SGSH: variants seen among roughly 807,000 people sequenced by gnomAD.
The protein encoded by SGSH is heparan sulfate sulfatase.
A neutral mutation model predicts 51.0 loss-of-function variants in SGSH; 48 were observed. That is an observed-to-expected ratio of 0.94 (90% CI 0.75 to 1.20). SGSH has a LOEUF of 1.20. Among genes scored for constraint, SGSH ranks in the 50% most tolerant of loss-of-function variants. SGSH has a pLI of 0.00. For missense variants in SGSH, 662 were observed against 717.8 expected (o/e 0.92, Z 0.89); for synonymous variants, 321 against 313.4 (o/e 1.02, Z -0.26).
rs1347877363 is a variant in SGSH at position 80,213,823 on chromosome 17, G to T, written c.726C>A (p.Thr242=). The T allele has an allele frequency of 2.5e-6, 4 of 1,606,796 alleles. No homozygotes were observed. Among genetic ancestry groups the T allele is most frequent in the Non-Finnish European group, 3.4e-6 (4 of 1,178,742 alleles). The change falls in exon 6 of 8, where the codon ACC becomes ACA. Residue 242 remains threonine, a synonymous_variant. Coordinates refer to ENST00000326317, the MANE Select transcript of SGSH (RefSeq NM_000199.5). This position sits in a 1 kb window ranked among gnomAD's most constrained non-coding sequence, Gnocchi z 4.6. The stretch of plus-strand genomic sequence containing the variant: ...GCCCACCTTGGTCCATGCGGCCGAC[G>T]GTGGTGTACTGAGCGGCCAGGTCGG... ...ARADLAAQYT[T]VGRMDQGVGL...
downstream of SGSH, chr17:80,208,053 G>C (rs2144633690): frequency 9.7e-7 from 1 of 1,027,012 alleles, no homozygotes; most frequent in South Asian, 1.9e-5. Context: ...AGGGGTGTTT[G>C]GGTGCATGTC....
chr17:80,205,742 C>T (rs895047967), downstream of SGSH: 3 of 1,340,354 alleles, frequency 2.2e-6, no homozygotes, highest in South Asian at 3.1e-5. Flanking sequence ...GTACAGGGAC[C>T]GACCTGAGAC....
chr17:80,214,828 T>G (rs1309759867), intron 3 of SGSH, 63 bp from the exon 4 acceptor site: 1 of 1,577,446 alleles, frequency 6.3e-7, no homozygotes, highest in South Asian at 1.1e-5. Flanking sequence ...TGCTCCCTTC[T>G]CTGCCCCTCT....
At chr17:80,200,680 TAC>T in the SGSH span, 1 of 152,210 alleles carries the variant, frequency 6.6e-6, no homozygotes, top group African/African-American at 2.4e-5. Flanking sequence ...ACATTGATTG[TAC>T]ACTTTATTTC....
Position 80,210,166 on chromosome 17 carries a change from A to C in SGSH, c.*286T>G. ...CCCTGTCCGCAGACCACGTATGTCT[A>C]GAATTCCCGTGCTGGGACATGGTTC... On this transcript the variant is annotated 3_prime_UTR_variant, in exon 8 of 8. Coordinates refer to ENST00000326317, the MANE Select transcript of SGSH (RefSeq NM_000199.5). 1 of 1,347,854 alleles carries C rather than the reference A, an allele frequency of 7.4e-7. No individual in the cohort carries two copies. The highest frequency in any genetic ancestry group is 9.6e-7 in the Non-Finnish European group (1 of 1,046,288). The allele number at this position is 1,347,854 out of a possible 1,614,324, so 83.5% of individuals were successfully genotyped here. A position where few individuals can be genotyped will look rare whatever the true frequency, so the allele number is the denominator to read the frequency against.
downstream of SGSH, chr17:80,201,830 G>A (rs1255773294): frequency 1.5e-5 from 24 of 1,613,884 alleles, no homozygotes; most frequent in Non-Finnish European, 1.8e-5. This position sits in a 1 kb window ranked among gnomAD's most constrained non-coding sequence, Gnocchi z 5.0. Context: ...TCAGGAGGGT[G>A]GACGGCTTCT....
At position 80,220,158 on chromosome 17, in the gene SGSH, G is replaced by C. The variant is rs531567118; in HGVS notation, c.88+68C>G. 60 of 1,183,164 alleles carry C rather than the reference G, an allele frequency of 5.1e-5. No homozygotes were observed. The South Asian group carries it at 7.6e-4, about 15-fold the overall frequency. 73.3% of individuals were successfully genotyped at this position (1,183,164 alleles called of 1,614,324 possible). A position where few individuals can be genotyped will look rare whatever the true frequency, so the allele number is the denominator to read the frequency against. On this transcript the variant is annotated intron_variant, in intron 1 of 7. Coordinates refer to ENST00000326317, the MANE Select transcript of SGSH (RefSeq NM_000199.5). Reference sequence around the variant, plus strand: ...TAGGGTCAGCATTGACCACGGGTGGGGAGGAGGCCAGTGGCCACTTCCCCG... The same window carrying C: ...TAGGGTCAGCATTGACCACGGGTGGCGAGGAGGCCAGTGGCCACTTCCCCG...
chr17:80,208,174 G>A (rs938054938), downstream of SGSH: 4 of 1,549,286 alleles, frequency 2.6e-6, no homozygotes, highest in South Asian at 1.2e-5. Context: ...CAGAGGAGCA[G>A]CTCCTGGAGG....
At chr17:80,204,969 G>C, downstream of SGSH, 1 of 1,387,866 alleles carries the variant, frequency 7.2e-7, no homozygotes, top group South Asian at 1.4e-5. Context: ...AGTCCCTCCC[G>C]GGGCAGGGTA....
downstream of SGSH, among the ~76,000 whole-genome samples, chr17:80,206,338 G>A (rs1180008817): frequency 7.3e-6 from 1 of 136,574 alleles, no homozygotes; most frequent in Non-Finnish European, 1.7e-5. Flanking sequence ...AAGTAGCCGG[G>A]CACAGTGGCT....
At chr17:80,215,586 C>T (rs1487357324) in intron 2 of SGSH, among the ~76,000 whole-genome samples, 1 of 152,168 alleles carries the variant, frequency 6.6e-6, no homozygotes, top group Non-Finnish European at 1.5e-5. Flanking sequence ...TTTGGGAGGC[C>T]AACGCAGGTG....
At chr17:80,204,788 T>G, downstream of SGSH, 2 of 482,542 alleles carry the variant, frequency 4.1e-6, no homozygotes, top group Non-Finnish European at 3.7e-6. Context: ...GGAAACAGGA[T>G]TAAGTTGCAG....
downstream of SGSH, chr17:80,205,339 T>G: frequency 1.7e-6 from 2 of 1,154,728 alleles, no homozygotes; most frequent in African/African-American, 3.1e-5. Flanking sequence ...TCACCTGCTG[T>G]GTCCAGATAG....
At chr17:80,205,302 C>T, downstream of SGSH, 1 of 1,219,882 alleles carries the variant, frequency 8.2e-7, no homozygotes, top group Non-Finnish European at 1.2e-6. Context: ...CTCCTCCTTC[C>T]CTCCCCCACC....
At chr17:80,204,198 T>C, downstream of SGSH, 1 of 1,561,966 alleles carries the variant, frequency 6.4e-7, no homozygotes, top group Non-Finnish European at 8.7e-7. Flanking sequence ...CAACAGCTCC[T>C]CCTCATCCTT....
chr17:80,207,149 C>T (rs1364476796), downstream of SGSH: 23 of 1,159,434 alleles, frequency 2.0e-5, no homozygotes, highest in Admixed American at 7.2e-5. Flanking sequence ...CCAAAGCCCA[C>T]GGCAGGTGCC....
chr17:80,204,928 C>A, downstream of SGSH: 1 of 923,264 alleles, frequency 1.1e-6, no homozygotes, highest in Non-Finnish European at 1.6e-6. Flanking sequence ...ATTCTAGGTG[C>A]TGGGGCTGCT....
rs1343394668 is a variant in SGSH at position 80,220,286 on chromosome 17, C to T, written c.28G>A (p.Ala10Thr). 5 of 1,518,804 alleles carry T rather than the reference C, an allele frequency of 3.3e-6. No homozygotes were observed. The highest frequency in any genetic ancestry group is 4.4e-6 in the Non-Finnish European group (5 of 1,140,234). The allele number at this position is 1,518,804 out of a possible 1,614,324, so 94.1% of individuals were successfully genotyped here. A position where few individuals can be genotyped will look rare whatever the true frequency, so the allele number is the denominator to read the frequency against. The change falls in exon 1 of 8, where the codon GCG (alanine) becomes ACG (threonine). Residue 10 changes from alanine to threonine, a missense_variant. Physicochemically the swap from Ala to Thr is moderately conservative, Grantham distance 58. Coordinates refer to ENST00000326317, the MANE Select transcript of SGSH (RefSeq NM_000199.5). ...CAGAGCCCCAGGACTAGCAGCAGCG[C>T]GCAGCAGGCGGGCACGGGGCAGCTC... The part of the protein sequence containing the change: MSCPVPACC[A>T]LLLVLGLCRA...
At chr17:80,202,885 G>A (rs745588437), downstream of SGSH, 15 of 168,634 alleles carry the variant, frequency 8.9e-5, no homozygotes, top group Middle Eastern at 3.0e-3. Context: ...AGCCCCACTT[G>A]CAGGGAAGCC....
Sources: allele counts gnomAD v4.1 joint callset (sites outside exome capture counted in the v4.1 genomes callset), GRCh38; gene constraint gnomAD v4.1.1; non-coding constraint Gnocchi (gnomAD v3.1); transcripts MANE v1.5; gene names NCBI Gene and HGNC (gene_info 2026-07-23, HGNC 2026-07-21).